SYDE2: variants seen among roughly 807,000 people sequenced by gnomAD.
SYDE2 encodes the protein synapse defective Rho GTPase homolog 2, also known as rho GTPase-activating protein SYDE2.
Under a neutral mutation model 91.5 loss-of-function variants are expected in SYDE2, and 76 were observed. The observed-to-expected ratio is 0.83, with a 90% CI of 0.69 to 1.01. The LOEUF (loss-of-function observed/expected upper bound fraction) is 1.01. Among genes scored for constraint, SYDE2 ranks in the 50% least tolerant of loss-of-function variants. The pLI, the probability that SYDE2 is intolerant of heterozygous loss-of-function variation, is 0.00. For synonymous variants in SYDE2, 513 were observed against 506.4 expected (o/e 1.01, Z -0.18); for missense variants, 1,364 against 1,367.7 (o/e 1.00, Z 0.04).
Position 85,164,525 on chromosome 1 carries a change from C to T in SYDE2, c.3085+1G>A. On this transcript the variant is annotated splice_donor_variant, in intron 6 of 6. Transcript: ENST00000341460. LOFTEE classifies it high-confidence loss of function. ...AAAAACATTTCCATAGAATCATTTA[C>T]CTGGCCAGAGTTGGAGTAAGTAATG... The T allele has an allele frequency of 6.4e-7, 1 of 1,569,428 alleles. No homozygotes were observed. The highest frequency in any genetic ancestry group is 1.4e-5 in the African/African-American group (1 of 73,170).
Position 85,187,286 on chromosome 1 carries a change from C to G in SYDE2, c.1441+2771G>C, listed in dbSNP as rs561775825. Reference sequence around the variant, plus strand: ...AAAAATGCTCACCATCACTGGCCATCAGAGAAATGCAAATCAAAACCACAA... The same window carrying G: ...AAAAATGCTCACCATCACTGGCCATGAGAGAAATGCAAATCAAAACCACAA... On this transcript the variant is annotated intron_variant, in intron 2 of 6. Coordinates refer to ENST00000341460, the MANE Select transcript of SYDE2 (RefSeq NM_032184.2). Among the ~76,000 whole-genome samples, 1,202 of 152,030 alleles carry G rather than the reference C, an allele frequency of 7.9e-3. 17 individuals carry two copies. Among genetic ancestry groups the G allele is most frequent in the African/African-American group, 0.027 (1,124 of 41,536 alleles).
At chr1:85,193,137 T>C (rs1658436925) in intron 1 of SYDE2, among the ~76,000 whole-genome samples, 2 of 152,266 alleles carry the variant, frequency 1.3e-5, no homozygotes, top group Admixed American at 6.5e-5. Context: ...TCTCTGGTTC[T>C]ATCTCCATTA....
At chr1:85,169,451 TCA>T (rs1657420671) in intron 4 of SYDE2, among the ~76,000 whole-genome samples, 2 of 152,236 alleles carry the variant, frequency 1.3e-5, no homozygotes, top group Admixed American at 1.3e-4. Context: ...CACATAATTT[TCA>T]GTTACCACAC....
chr1:85,155,822 G>T (rs1435341556), downstream of SYDE2, among the ~76,000 whole-genome samples: 1 of 151,996 alleles, frequency 6.6e-6, no homozygotes, highest in Non-Finnish European at 1.5e-5. Context: ...ACAGTATAAA[G>T]GGAAAACTAT....
At chr1:85,165,675 AT>A (rs540920148) in intron 5 of SYDE2, among the ~76,000 whole-genome samples, 212 of 151,782 alleles carry the variant, frequency 1.4e-3, no homozygotes, top group Non-Finnish European at 1.5e-3. Flanking sequence ...ACCAAAAAAA[AT>A]ATTTTTTAAT....
chr1:85,158,968 C>T lies in SYDE2; in HGVS notation c.3367G>A (p.Gly1123Arg), dbSNP rs1656964738. 3 of 780,520 alleles carry T rather than the reference C, an allele frequency of 3.8e-6. No individual in the cohort carries two copies. Among genetic ancestry groups the T allele is most frequent in the African/African-American group, 1.7e-5 (1 of 59,200 alleles). The allele number at this position is 780,520 out of a possible 1,614,324, so 48.3% of individuals were successfully genotyped here. The change falls in exon 7 of 7, where the codon GGA becomes AGA. Residue 1123 changes from glycine to arginine, a missense_variant. Physicochemically the swap from Gly to Arg is moderately radical, Grantham distance 125. Coordinates refer to ENST00000341460, the MANE Select transcript of SYDE2 (RefSeq NM_032184.2). ...DDVPSEDRKI[G>R]ENYSKMDGPE... Reference sequence around the variant, plus strand: ...CCATCCATTTTGCTATAATTTTCTCCGATTTTTCTATCTTCTGAAGGGACA... The same window carrying T: ...CCATCCATTTTGCTATAATTTTCTCTGATTTTTCTATCTTCTGAAGGGACA...
chr1:85,174,782 T>C (rs781468036), intron 4 of SYDE2, among the ~76,000 whole-genome samples: 1 of 152,200 alleles, frequency 6.6e-6, no homozygotes, highest in Non-Finnish European at 1.5e-5. Flanking sequence ...ACATTTAGCA[T>C]TCCTTGGTGC....
At position 85,200,651 on chromosome 1, in the gene SYDE2, A is replaced by T. The variant is rs1658792974; in HGVS notation, c.346T>A (p.Trp116Arg). ...CCTCCACGTGGCGGGGGCTCGTCCC[A>T]GTCCCGGTGCGCGCCGCACCTGATC... ...SWIRCGAHRD[W>R]DEPPPRGGRM... is the part of the protein sequence containing the mutation. The change falls in exon 1 of 7, where the codon TGG becomes AGG. Residue 116 changes from tryptophan (W) to arginine (R), a missense_variant. Transcript: ENST00000341460. 6 of 1,540,034 alleles carry T rather than the reference A, an allele frequency of 3.9e-6. 1 individual carries two copies. Among genetic ancestry groups the T allele is most frequent in the Non-Finnish European group, 3.5e-6 (4 of 1,148,384 alleles).
chr1:85,157,272 T>C lies in SYDE2; in HGVS notation c.*1478A>G, dbSNP rs1403517482. 1 of 152,042 alleles carries C rather than the reference T, an allele frequency of 6.6e-6. No individual in the cohort carries two copies. Among genetic ancestry groups the C allele is most frequent in the Admixed American group, 6.5e-5 (1 of 15,274 alleles). The allele number at this position is 152,042 out of a possible 1,614,324, so 9.4% of individuals were successfully genotyped here. The stretch of plus-strand genomic sequence containing the variant: ...TTTAAAATTACATATTCTGTAGATA[T>C]AAAAGTTAAAAAAATACATTTTGAT... On this transcript the variant is annotated 3_prime_UTR_variant, in exon 7 of 7. Transcript: ENST00000341460.
chr1:85,187,259 G>T lies in SYDE2; in HGVS notation c.1441+2798C>A, dbSNP rs922376535. ...ACATTTATGCAGCCAAAAAACACAT[G>T]AAAAAATGCTCACCATCACTGGCCA... On this transcript the variant is annotated intron_variant, in intron 2 of 6. Coordinates refer to ENST00000341460, the MANE Select transcript of SYDE2 (RefSeq NM_032184.2). Among the ~76,000 whole-genome samples, 6 of 152,216 alleles carry T rather than the reference G, an allele frequency of 3.9e-5. No homozygotes were observed. In the South Asian group the frequency reaches 1.0e-3, roughly 26 times the overall value.
chr1:85,182,076 G>A, intron 3 of SYDE2, 22 bp downstream of exon 3: 2 of 1,543,942 alleles, frequency 1.3e-6, no homozygotes, highest in South Asian at 1.3e-5. Flanking sequence ...GGAAGTAGTA[G>A]GGAACCATAG....
chr1:85,190,021 A>G, intron 2 of SYDE2, 36 bp downstream of exon 2: 1 of 1,455,192 alleles, frequency 6.9e-7, no homozygotes, highest in South Asian at 1.4e-5. Context: ...TCAAAAATGG[A>G]AGAAGAAAGA....
chr1:85,172,357 T>C (rs114626897), intron 4 of SYDE2, among the ~76,000 whole-genome samples: 3,232 of 152,240 alleles, frequency 0.021, 102 homozygotes, highest in African/African-American at 0.074. Flanking sequence ...AGAGAGCTGA[T>C]AGGAAAACAT....
At position 85,178,271 on chromosome 1, in the gene SYDE2, A is replaced by G. The variant is rs184203713; in HGVS notation, c.2546T>C (p.Val849Ala). 3.3e-4 allele frequency: 511 copies of G among 1,565,088 alleles called. No homozygotes were observed. Among genetic ancestry groups the G allele is most frequent in the Non-Finnish European group, 4.0e-4 (459 of 1,155,830 alleles). The change falls in exon 4 of 7, where the codon GTA becomes GCA. Residue 849 changes from valine to alanine, a missense_variant and splice_region_variant. Transcript: ENST00000341460. ...IMEIEKRGCQ[V>A]VGLYRLCGSA... ...ACCACATAATCGATACAGGCCTACTACCTAGGAATAAAATTATGGCCACAT... is the reference window on the plus strand; with the variant it reads ...ACCACATAATCGATACAGGCCTACTGCCTAGGAATAAAATTATGGCCACAT...
Position 85,190,770 on chromosome 1 carries a change from T to C in SYDE2, c.746-18A>G, listed in dbSNP as rs1658336406. ...AAATAAATCTGTTGCAAAGATAGAA[T>C]AGAAGGTAGAATATAATGGCTGGTA... is the stretch of plus-strand genomic sequence containing the variant. On this transcript the variant is annotated intron_variant, in intron 1 of 6. Coordinates refer to ENST00000341460, the MANE Select transcript of SYDE2 (RefSeq NM_032184.2). 7.1e-6 allele frequency: 11 copies of C among 1,559,494 alleles called. No homozygotes were observed. Among genetic ancestry groups the C allele is most frequent in the Non-Finnish European group, 8.7e-6 (10 of 1,152,350 alleles).
At position 85,165,865 on chromosome 1, in the gene SYDE2, A is replaced by AT. The variant is rs529987571; in HGVS notation, c.2854-1109dup. On this transcript the variant is annotated intron_variant, in intron 5 of 6. Coordinates refer to ENST00000341460, the MANE Select transcript of SYDE2 (RefSeq NM_032184.2). ...ACATTGATGCCAATTAAAAACTTTAATTTTTTTTTTTTTTTTTTTTTTTTT... is the reference window on the plus strand; with the variant it reads ...ACATTGATGCCAATTAAAAACTTTAATTTTTTTTTTTTTTTTTTTTTTTTTT... Among the ~76,000 whole-genome samples the AT allele has an allele frequency of 6.5e-3, 610 of 94,108 alleles. 1 individual carries two copies. The highest frequency in any genetic ancestry group is 0.016 in the African/African-American group (348 of 22,100). 61.7% of individuals were successfully genotyped at this position (94,108 alleles called of 152,430 possible). A position where few individuals can be genotyped will look rare whatever the true frequency, so the allele number is the denominator to read the frequency against.
rs928701440 is a variant in SYDE2 at position 85,163,470 on chromosome 1, T to G, written c.3085+1056A>C. ...CTATATATATATATATATATATATATATATATATATAACAAAAGAGTAACC... is the reference window on the plus strand; with the variant it reads ...CTATATATATATATATATATATATAGATATATATATAACAAAAGAGTAACC... On this transcript the variant is annotated intron_variant, in intron 6 of 6. Transcript: ENST00000341460. Among the ~76,000 whole-genome samples, 77 of 135,950 alleles carry G rather than the reference T, an allele frequency of 5.7e-4. 2 individuals are homozygous for G. Among genetic ancestry groups the G allele is most frequent in the African/African-American group, 2.3e-3 (75 of 32,980 alleles). The allele number at this position is 135,950 out of a possible 152,430, so 89.2% of individuals were successfully genotyped here. A position where few individuals can be genotyped will look rare whatever the true frequency, so the allele number is the denominator to read the frequency against.
At chr1:85,161,906 CA>C (rs1462866384) in intron 6 of SYDE2, among the ~76,000 whole-genome samples, 1 of 151,828 alleles carries the variant, frequency 6.6e-6, no homozygotes, top group Non-Finnish European at 1.5e-5. Context: ...ATACATAAAA[CA>C]GATAAAAAAG....
At chr1:85,156,508 T>C (rs1656885895), downstream of SYDE2, among the ~76,000 whole-genome samples, 1 of 152,116 alleles carries the variant, frequency 6.6e-6, no homozygotes, top group Non-Finnish European at 1.5e-5. Context: ...GCAAAAAATA[T>C]TTGAAGTAAA....
Sources: allele counts gnomAD v4.1 joint callset (sites outside exome capture counted in the v4.1 genomes callset), GRCh38; gene constraint gnomAD v4.1.1; transcripts MANE v1.5; gene names NCBI Gene and HGNC (gene_info 2026-07-23, HGNC 2026-07-21).